The following CEP170 variants were observed in gnomAD, a reference collection of about 807,000 sequenced individuals.
CEP170 encodes centrosomal protein of 170 kDa.
A neutral mutation model predicts 151.9 loss-of-function variants in CEP170; 21 were observed. That is an observed-to-expected ratio of 0.14 (90% CI 0.10 to 0.20). The LOEUF is 0.20. Among genes scored for constraint, CEP170 ranks in the 10% least tolerant of loss-of-function variants. CEP170 has a pLI of 1.00. For missense variants in CEP170, 964 were observed against 1,892.9 expected, an observed-to-expected ratio of 0.51 and a Z score of 9.11; for synonymous variants, 356 against 648.8, an observed-to-expected ratio of 0.55 and a Z score of 6.86.
At chr1:243,219,889 C>T (rs1352229460) in intron 3 of CEP170, among the ~76,000 whole-genome samples, 1 of 152,188 alleles carries the variant, frequency 6.6e-6, no homozygotes, top group Non-Finnish European at 1.5e-5. Context: ...TATTCAGGAG[C>T]TCATAAGTCA....
chr1:243,178,912 G>A (rs980601470), intron 10 of CEP170, among the ~76,000 whole-genome samples: 2 of 152,056 alleles, frequency 1.3e-5, no homozygotes, highest in African/African-American at 4.8e-5. Flanking sequence ...TAGAGAGGGG[G>A]TTTCACCGTG....
chr1:243,146,335 G>C (rs983768358), intron 14 of CEP170, among the ~76,000 whole-genome samples: 18 of 152,114 alleles, frequency 1.2e-4, no homozygotes, highest in Non-Finnish European at 4.4e-5. Context: ...TGAGATTCGC[G>C]AAGAACGCAG....
intron 14 of CEP170, among the ~76,000 whole-genome samples, chr1:243,145,377 T>A (rs1186394840): frequency 6.6e-6 from 1 of 151,864 alleles, no homozygotes; most frequent in Non-Finnish European, 1.5e-5. Flanking sequence ...TGGATTCAAG[T>A]GATTCTCCTG....
At chr1:243,196,015 G>A (rs1448797396) in intron 7 of CEP170, among the ~76,000 whole-genome samples, 1 of 152,056 alleles carries the variant, frequency 6.6e-6, no homozygotes, top group African/African-American at 2.4e-5. Flanking sequence ...ACGGCTTTTG[G>A]TCATCTAGCA....
chr1:243,141,967 A>G (rs1183679637), intron 15 of CEP170, among the ~76,000 whole-genome samples: 2 of 152,198 alleles, frequency 1.3e-5, no homozygotes, highest in African/African-American at 4.8e-5. Context: ...GAGCATTTTC[A>G]TAGTCAAACT....
At chr1:243,152,248 G>T (rs60973617) in intron 14 of CEP170, among the ~76,000 whole-genome samples, 10,189 of 149,432 alleles carry the variant, frequency 0.068, 774 homozygotes, top group African/African-American at 0.17. Context: ...TTGAGACGGA[G>T]TCTCGCTCTG....
intron 3 of CEP170, among the ~76,000 whole-genome samples, chr1:243,219,207 C>A (rs1197544545): frequency 2.0e-5 from 3 of 152,158 alleles, no homozygotes; most frequent in Non-Finnish European, 4.4e-5. Flanking sequence ...TACATTTAAT[C>A]CTCATAACAA....
intron 3 of CEP170, among the ~76,000 whole-genome samples, chr1:243,214,378 C>T (rs573590047): frequency 9.2e-4 from 139 of 150,698 alleles, no homozygotes; most frequent in African/African-American, 3.2e-3. Context: ...TTCTGCCTCC[C>T]AGGTTCAAGC....
chr1:243,156,331 G>C lies in CEP170; in HGVS notation c.3801C>G (p.Arg1267=). 1 of 1,587,868 alleles carries C rather than the reference G, an allele frequency of 6.3e-7. No individual in the cohort carries two copies. Among genetic ancestry groups the C allele is most frequent in the Non-Finnish European group, 8.6e-7 (1 of 1,166,980 alleles). ...LRTSPALKTT[R]LQSAGSAMPT... ...GCATTGCTGATCCAGCGCTCTGCAA[G>C]CGAGTGGTTTTCAGGGCTGGAGAAG... The change falls in exon 14 of 20, where the codon CGC becomes CGG. Residue 1267 remains arginine, a synonymous_variant. Transcript: ENST00000366542.
intron 10 of CEP170, among the ~76,000 whole-genome samples, chr1:243,173,063 T>C (rs1371135131): frequency 6.6e-6 from 1 of 151,704 alleles, no homozygotes; most frequent in Non-Finnish European, 1.5e-5. Context: ...AAAGTAATTA[T>C]CCTTTTTTTT....
chr1:243,209,227 C>T (rs1331792197), intron 4 of CEP170, among the ~76,000 whole-genome samples: 3 of 152,186 alleles, frequency 2.0e-5, no homozygotes, highest in African/African-American at 4.8e-5. Flanking sequence ...CTCTGTCACC[C>T]AGGCTGGAGT....
At chr1:243,171,646 C>A (rs2058852602) in intron 11 of CEP170, among the ~76,000 whole-genome samples, 1 of 152,120 alleles carries the variant, frequency 6.6e-6, no homozygotes, top group African/African-American at 2.4e-5. Flanking sequence ...TACTTTTTTA[C>A]ATTTCTTTTT....
intron 3 of CEP170, among the ~76,000 whole-genome samples, chr1:243,216,122 T>G (rs553891521): frequency 6.6e-6 from 1 of 152,164 alleles, no homozygotes; most frequent in Non-Finnish European, 1.5e-5. Flanking sequence ...TAACTGCCTA[T>G]GCAGACATCA....
intron 12 of CEP170, among the ~76,000 whole-genome samples, chr1:243,167,927 TTAAG>T (rs1334314577): frequency 6.6e-6 from 1 of 151,978 alleles, no homozygotes; most frequent in Non-Finnish European, 1.5e-5. Flanking sequence ...GTTTTATTAT[TTAAG>T]TAGATTTATC....
intron 6 of CEP170, 140 bp from the exon 7 acceptor site, chr1:243,199,334 T>A: frequency 1.3e-6 from 1 of 753,720 alleles, no homozygotes; most frequent in Non-Finnish European, 2.0e-6. Context: ...TACTCTATAC[T>A]GAATTAACTC....
intron 16 of CEP170, among the ~76,000 whole-genome samples, chr1:243,138,141 A>AT (rs1171897395): frequency 6.6e-6 from 1 of 152,232 alleles, no homozygotes; most frequent in African/African-American, 2.4e-5. Flanking sequence ...TAAATTCCTG[A>AT]TATCAACCTT....
chr1:243,224,516 T>C (rs1026282037), intron 2 of CEP170, among the ~76,000 whole-genome samples: 3 of 152,176 alleles, frequency 2.0e-5, no homozygotes, highest in Non-Finnish European at 4.4e-5. Flanking sequence ...GAATTTGTGC[T>C]GGGCCGCATT....
chr1:243,249,318 T>C (rs1462778593), intron 1 of CEP170, among the ~76,000 whole-genome samples: 1 of 152,000 alleles, frequency 6.6e-6, no homozygotes, highest in Non-Finnish European at 1.5e-5. Context: ...CTCAACAGGC[T>C]GAGGTGGGAG....
intron 13 of CEP170, among the ~76,000 whole-genome samples, chr1:243,158,797 GCTAA>G (rs2057791716): frequency 6.6e-6 from 1 of 152,100 alleles, no homozygotes; most frequent in Non-Finnish European, 1.5e-5. Context: ...GGGCACAGTG[GCTAA>G]CTAACGCCTG....
Sources: gnomAD v4.1 joint callset for allele counts (sites outside exome capture counted in the v4.1 genomes callset) on GRCh38, gnomAD v4.1.1 for gene constraint, MANE v1.5 for transcripts, NCBI Gene and HGNC (gene_info 2026-07-23, HGNC 2026-07-21) for gene names.